Variants in DEPDC5 observed in about 807,000 individuals in gnomAD.
DEPDC5 encodes the protein DEP domain containing 5, GATOR1 subcomplex subunit.
Under a neutral mutation model 217.3 loss-of-function variants are expected in DEPDC5, and 73 were observed. That is an observed-to-expected ratio of 0.34 (90% CI 0.28 to 0.41). DEPDC5 has a LOEUF of 0.41. DEPDC5 is among the 10% of genes least tolerant of loss of function. The pLI is 1.00. For synonymous variants in DEPDC5, 733 were observed against 756.7 expected, an observed-to-expected ratio of 0.97 and a Z score of 0.51; for missense variants, 1,675 against 2,070.1, an observed-to-expected ratio of 0.81 and a Z score of 3.70.
At chr22:31,889,752 A>G (rs1423747906) in intron 38 of DEPDC5, among the ~76,000 whole-genome samples, 1 of 151,716 alleles carries the variant, frequency 6.6e-6, no homozygotes, top group African/African-American at 2.4e-5. Context: ...GTTAGCCAGG[A>G]TGGTCTCGAT....
At chr22:31,848,125 T>A (rs1475736668) in intron 31 of DEPDC5, among the ~76,000 whole-genome samples, 3 of 152,250 alleles carry the variant, frequency 2.0e-5, no homozygotes, top group Non-Finnish European at 4.4e-5. Flanking sequence ...AGAGGTAGGC[T>A]CCCAGGCCCT....
intron 23 of DEPDC5, among the ~76,000 whole-genome samples, chr22:31,822,057 A>G (rs544204052): frequency 6.6e-6 from 1 of 152,344 alleles, no homozygotes; most frequent in African/African-American, 2.4e-5. Flanking sequence ...TGTTGAGTTT[A>G]GAATAAGTTA....
intron 14 of DEPDC5, 88 bp downstream of exon 14, chr22:31,798,744 A>G: frequency 1.5e-6 from 2 of 1,319,592 alleles, no homozygotes; most frequent in Non-Finnish European, 2.1e-6. Flanking sequence ...ACCCTAAGAG[A>G]AGGTTCTTGG....
At chr22:31,877,002 G>A (rs958539861) in intron 37 of DEPDC5, among the ~76,000 whole-genome samples, 9 of 152,100 alleles carry the variant, frequency 5.9e-5, no homozygotes, top group Non-Finnish European at 1.3e-4. Flanking sequence ...AATTAGCCGG[G>A]TGTGGTGGTG....
chr22:31,838,587 A>T, intron 26 of DEPDC5, 98 bp from the exon 27 acceptor site: 1 of 1,494,046 alleles, frequency 6.7e-7, no homozygotes, highest in Non-Finnish European at 9.1e-7. Context: ...TAGAATGGTT[A>T]TAAGGGGATG....
At chr22:31,840,060 AG>A (rs2091295244) in intron 27 of DEPDC5, among the ~76,000 whole-genome samples, 1 of 152,168 alleles carries the variant, frequency 6.6e-6, no homozygotes, top group African/African-American at 2.4e-5. Context: ...CTGGCTGGGG[AG>A]AGGATTTATA....
At chr22:31,759,803 C>T (rs1171789822) in intron 3 of DEPDC5, among the ~76,000 whole-genome samples, 2 of 151,010 alleles carry the variant, frequency 1.3e-5, no homozygotes, top group African/African-American at 4.9e-5. Flanking sequence ...CTGCCTCAGC[C>T]TGTCGAGTAG....
intron 24 of DEPDC5, among the ~76,000 whole-genome samples, chr22:31,828,776 G>A (rs750388657): frequency 6.6e-6 from 1 of 152,114 alleles, no homozygotes; most frequent in African/African-American, 2.4e-5. Context: ...ACTGTGCTAA[G>A]GCCTGAGAAG....
At chr22:31,882,413 A>G (rs79643725) in intron 38 of DEPDC5, among the ~76,000 whole-genome samples, 3,322 of 152,358 alleles carry the variant, frequency 0.022, 39 homozygotes, top group Middle Eastern at 0.034. Context: ...TGGATCATGC[A>G]TGGCGACAAT....
rs1275485558 is a variant in DEPDC5 at position 31,819,033 on chromosome 22, A to G, written c.1678A>G (p.Asn560Asp). 3 of 1,614,028 alleles carry G rather than the reference A, an allele frequency of 1.9e-6. No individual in the cohort carries two copies. Among genetic ancestry groups the G allele is most frequent in the African/African-American group, 1.3e-5 (1 of 74,918 alleles). Residue 560 changes from asparagine (N) to aspartate (D), a missense_variant, in exon 22 of 43, where the codon AAC becomes GAC. By Grantham distance (23) the Asn-to-Asp change is conservative (BLOSUM62 1). Transcript: ENST00000651528. The part of the protein sequence containing the change: ...GYTSTRDVLE[N>D]MMEPPQRDSS... Reference sequence around the variant, plus strand: ...ATGATAACTGGCAGATGTCCTGGAGAACATGATGGAGCCACCACAGCGAGA... The same window carrying G: ...ATGATAACTGGCAGATGTCCTGGAGGACATGATGGAGCCACCACAGCGAGA...
chr22:31,857,429 C>T lies in DEPDC5; in HGVS notation c.3156-16C>T, dbSNP rs1270595543. 1.0e-5 allele frequency: 16 copies of T among 1,584,202 alleles called. No homozygotes were observed. Among genetic ancestry groups the T allele is most frequent in the Non-Finnish European group, 1.4e-5 (16 of 1,164,476 alleles). The stretch of plus-strand genomic sequence containing the variant: ...GCTCTGAGCAAGCTGCTGTCATGTG[C>T]TTTTCCTCCTTTCAGGTGCCTGGGA... On this transcript the variant is annotated splice_polypyrimidine_tract_variant and intron_variant, in intron 31 of 42. Transcript: ENST00000651528.
At chr22:31,892,314 C>T (rs969641974) in intron 38 of DEPDC5, among the ~76,000 whole-genome samples, 17 of 152,204 alleles carry the variant, frequency 1.1e-4, no homozygotes, top group Admixed American at 2.6e-4. Flanking sequence ...CCAAATCTGG[C>T]TCACCATTTG....
Position 31,792,050 on chromosome 22 carries a change from T to A in DEPDC5, c.642T>A (p.His214Gln). The A allele has an allele frequency of 6.2e-7, 1 of 1,612,634 alleles. No individual in the cohort carries two copies. Among genetic ancestry groups the A allele is most frequent in the Non-Finnish European group, 8.5e-7 (1 of 1,179,126 alleles). The change falls in exon 11 of 43, where the codon CAT (histidine) becomes CAA (glutamine). Residue 214 changes from histidine (H) to glutamine (Q), a missense_variant. By Grantham distance (24) the His-to-Gln change is conservative. Around this residue, in one of 11 missense-constraint regions of DEPDC5, gnomAD observed 628 missense variants for 762.1 expected, o/e 0.82. Coordinates refer to ENST00000651528, the MANE Select transcript of DEPDC5 (RefSeq NM_001242896.3). ...FTKWKEKNCSHEVTVVLFSRT... is the reference protein window; with the variant it reads ...FTKWKEKNCSQEVTVVLFSRT... ...ATGCTTAGGAGAAGAACTGTAGTCA[T>A]GAAGTGACAGTGGTCCTGTTTTCTA...
intron 31 of DEPDC5, among the ~76,000 whole-genome samples, chr22:31,854,341 T>C (rs1219411861): frequency 6.6e-6 from 1 of 152,178 alleles, no homozygotes; most frequent in Non-Finnish European, 1.5e-5. Flanking sequence ...AAGTGGTCAC[T>C]GGGGATGCAA....
chr22:31,805,950 A>G (rs930094790), intron 17 of DEPDC5, among the ~76,000 whole-genome samples, 172 bp from the exon 18 acceptor site: 2 of 152,152 alleles, frequency 1.3e-5, no homozygotes, highest in African/African-American at 4.8e-5. Flanking sequence ...AACAAAACAT[A>G]ACTAATGTTT....
At chr22:31,792,574 C>T (rs564114925) in intron 11 of DEPDC5, 171 bp from the exon 12 acceptor site, 38 of 432,146 alleles carry the variant, frequency 8.8e-5, no homozygotes, top group Admixed American at 3.1e-4. Context: ...CCACTGCACT[C>T]CAGTCTGGGT....
chr22:31,873,610 AT>A (rs1461238703), intron 35 of DEPDC5, among the ~76,000 whole-genome samples: 8 of 150,864 alleles, frequency 5.3e-5, no homozygotes, highest in African/African-American at 1.2e-4. Flanking sequence ...TCAAGATGGG[AT>A]TTTTTTAAAA....
chr22:31,817,470 GC>G, intron 21 of DEPDC5: 1 of 477,948 alleles, frequency 2.1e-6, no homozygotes, highest in South Asian at 1.5e-5. Context: ...GATGGCCTGA[GC>G]AGTTTCATGG....
At chr22:31,875,535 G>T (rs1471160136) in intron 36 of DEPDC5, 1 of 151,300 alleles carries the variant, frequency 6.6e-6, no homozygotes, top group African/African-American at 2.4e-5. Flanking sequence ...GGGAGTGGGA[G>T]AGTCTAAGGA....
Sources: allele counts gnomAD v4.1 joint callset (sites outside exome capture counted in the v4.1 genomes callset), GRCh38; gene constraint gnomAD v4.1.1; regional missense constraint gnomAD v4.1.1; transcripts MANE v1.5; gene names NCBI Gene and HGNC (gene_info 2026-07-23, HGNC 2026-07-21).